The following FMN2 variants were observed in gnomAD, a reference collection of about 807,000 sequenced individuals.
FMN2 encodes formin 2.
A neutral mutation model predicts 142.3 loss-of-function variants in FMN2; 51 were observed. The ratio of observed to expected loss-of-function variants is 0.36; its 90% CI spans 0.29 to 0.45. The LOEUF is 0.45. Ranked by LOEUF, FMN2 falls within the 20% of genes least tolerant of loss-of-function variation. The probability of loss-of-function intolerance (pLI) is 1.00; values close to 1 mark genes in which losing one functional copy is unlikely to be tolerated. For missense variants in FMN2, 1,936 were observed against 2,122.8 expected (o/e 0.91, Z 1.73); for synonymous variants, 882 against 869.8 (o/e 1.01, Z -0.25).
intron 11 of FMN2, among the ~76,000 whole-genome samples, chr1:240,332,407 G>A (rs1354469480): frequency 4.6e-5 from 7 of 151,206 alleles, no homozygotes; most frequent in Non-Finnish European, 1.0e-4. Context: ...CTTAACCTAT[G>A]GTAATTCTTC....
At chr1:240,344,166 G>A (rs796823133) in intron 13 of FMN2, among the ~76,000 whole-genome samples, 10 of 152,320 alleles carry the variant, frequency 6.6e-5, no homozygotes, top group African/African-American at 2.2e-4. Context: ...TGTGAGACCA[G>A]TTTGGAAACA....
At chr1:240,121,646 C>G (rs966243340) in intron 1 of FMN2, among the ~76,000 whole-genome samples, 13 of 148,594 alleles carry the variant, frequency 8.7e-5, no homozygotes, top group African/African-American at 3.2e-4. Flanking sequence ...GCCTCGGCCT[C>G]CCAAAGTGCT....
intron 15 of FMN2, among the ~76,000 whole-genome samples, chr1:240,436,676 CA>C (rs35630459): frequency 2.2e-5 from 3 of 135,882 alleles, no homozygotes; most frequent in South Asian, 2.4e-4. Context: ...GACTCCGTCT[CA>C]AAAAAAAAAA....
intron 6 of FMN2, among the ~76,000 whole-genome samples, chr1:240,222,014 ATT>A (rs71170722): frequency 3.9e-5 from 5 of 129,748 alleles, no homozygotes; most frequent in African/African-American, 8.8e-5. Context: ...CACCCAGCTA[ATT>A]TTTTTTTTTT....
intron 13 of FMN2, among the ~76,000 whole-genome samples, chr1:240,350,871 G>A (rs376198608): frequency 2.6e-5 from 4 of 152,172 alleles, no homozygotes; most frequent in African/African-American, 9.6e-5. Flanking sequence ...TGAATAGCAT[G>A]GGGAAGGGTT....
intron 16 of FMN2, among the ~76,000 whole-genome samples, chr1:240,452,527 G>A (rs570197832): frequency 3.9e-5 from 6 of 152,050 alleles, no homozygotes; most frequent in South Asian, 4.2e-4. Context: ...TTTACGAGAC[G>A]GGTTTATTTT....
rs564528283 is a variant in FMN2 at position 240,387,662 on chromosome 1, A to C, written c.4859-4849A>C. 2.6e-4 allele frequency among the ~76,000 whole-genome samples: 40 copies of C among 152,372 alleles called. No homozygotes were observed. In the South Asian group the frequency reaches 7.2e-3, roughly 28 times the overall value. ...CCATAATTTCTCTGTTGCTGTAAAG[A>C]GGCAACCTTATTTTAGCAAAGTATA... On this transcript the variant is annotated intron_variant, in intron 14 of 17. Transcript: ENST00000319653.
chr1:240,414,705 A>G (rs1674520538), intron 15 of FMN2, among the ~76,000 whole-genome samples: 1 of 152,214 alleles, frequency 6.6e-6, no homozygotes, highest in African/African-American at 2.4e-5. Context: ...TCACACTGGT[A>G]TTATTTACAA....
At chr1:240,312,259 C>T (rs1038948081) in intron 8 of FMN2, among the ~76,000 whole-genome samples, 4 of 152,174 alleles carry the variant, frequency 2.6e-5, no homozygotes, top group African/African-American at 7.2e-5. Context: ...TAGAACAGCA[C>T]TGACAAAAGG....
chr1:240,294,063 G>T (rs369184964), intron 7 of FMN2, among the ~76,000 whole-genome samples: 4 of 152,080 alleles, frequency 2.6e-5, no homozygotes, highest in African/African-American at 7.2e-5. Context: ...ATTCTATCAA[G>T]GCAAATTCAC....
Position 240,449,410 on chromosome 1 carries a change from G to A in FMN2, c.5060+11200G>A, listed in dbSNP as rs115274229. ...GTTGGCCTTAGAAACTTGAACCGTG[G>A]GCAGCTGCTAGGTCATGAGAAGAAT... On this transcript the variant is annotated intron_variant, in intron 16 of 17. Transcript: ENST00000319653. Among the ~76,000 whole-genome samples, 433 of 152,166 alleles carry A rather than the reference G, an allele frequency of 2.8e-3. 1 individual carries two copies. The highest frequency in any genetic ancestry group is 9.7e-3 in the African/African-American group (403 of 41,506).
chr1:240,441,155 C>T (rs531123315), intron 16 of FMN2, among the ~76,000 whole-genome samples: 177 of 151,996 alleles, frequency 1.2e-3, no homozygotes, highest in African/African-American at 3.4e-3. Context: ...CCTCCATGCC[C>T]GGCTAATTTT....
At chr1:240,248,636 C>T (rs4659566) in intron 6 of FMN2, among the ~76,000 whole-genome samples, 105,699 of 151,542 alleles carry the variant, frequency 0.7, 37,574 homozygotes, top group East Asian at 0.85. Flanking sequence ...TGCTGGATCA[C>T]ATGGTAGTTC....
At chr1:240,107,836 A>C (rs1455913941) in intron 1 of FMN2, among the ~76,000 whole-genome samples, 1 of 152,154 alleles carries the variant, frequency 6.6e-6, no homozygotes, top group Non-Finnish European at 1.5e-5. Flanking sequence ...TCTCTATAAC[A>C]AAGTCACTTT....
chr1:240,165,252 T>C (rs1313395270), intron 2 of FMN2, among the ~76,000 whole-genome samples: 1 of 152,224 alleles, frequency 6.6e-6, no homozygotes, highest in Non-Finnish European at 1.5e-5. Context: ...CATAGCTCAC[T>C]GCAGCCTCAA....
At chr1:240,154,846 C>CCTTCCTTCCT (rs1558325359) in intron 2 of FMN2, 14 of 81,256 alleles carry the variant, frequency 1.7e-4, no homozygotes, top group African/African-American at 4.7e-4. Context: ...CCTTCCTTCC[C>CCTTCCTTCCT]TCCCTCCCTC....
At chr1:240,430,030 C>T (rs745817032) in intron 15 of FMN2, among the ~76,000 whole-genome samples, 14 of 151,894 alleles carry the variant, frequency 9.2e-5, no homozygotes, top group African/African-American at 2.7e-4. Context: ...GGACTACAGG[C>T]GCCCACCACC....
chr1:240,405,522 G>T (rs1212883964), intron 15 of FMN2, among the ~76,000 whole-genome samples: 1 of 152,086 alleles, frequency 6.6e-6, no homozygotes, highest in African/African-American at 2.4e-5. Context: ...GGAGGCTGAG[G>T]CAGGAGAAGG....
intron 4 of FMN2, among the ~76,000 whole-genome samples, chr1:240,193,945 C>T (rs1200318995): frequency 6.6e-6 from 1 of 152,192 alleles, no homozygotes; most frequent in African/African-American, 2.4e-5. Context: ...TTTTCCCTTG[C>T]CATCCTCAGT....
Sources: gnomAD v4.1 joint callset for allele counts (sites outside exome capture counted in the v4.1 genomes callset) on GRCh38, gnomAD v4.1.1 for gene constraint, MANE v1.5 for transcripts, NCBI Gene and HGNC (gene_info 2026-07-23, HGNC 2026-07-21) for gene names.